The following ZCRB1 variants were observed in gnomAD, a reference collection of about 807,000 sequenced individuals.
ZCRB1 encodes zinc finger CCHC-type and RNA binding motif containing 1, also known as zinc finger CCHC-type and RNA-binding motif-containing protein 1.
A neutral mutation model predicts 29.9 loss-of-function variants in ZCRB1; 21 were observed. The ratio of observed to expected loss-of-function variants is 0.70; its 90% CI spans 0.50 to 1.01. ZCRB1 has a LOEUF of 1.01. ZCRB1 is among the 50% of genes least tolerant of loss of function. The probability of loss-of-function intolerance (pLI) is 0.00; values close to 1 mark genes in which losing one functional copy is unlikely to be tolerated. For missense variants in ZCRB1, 204 were observed against 253.3 expected (o/e 0.81, Z 1.32); for synonymous variants, 77 against 80.0 (o/e 0.96, Z 0.20).
rs1753830194 is a variant in ZCRB1, at chr12:42,323,516, T to C, written c.84+503A>G. 2.0e-5 allele frequency among the ~76,000 whole-genome samples: 3 copies of C among 152,214 alleles called. 1 individual carries two copies. Among genetic ancestry groups the C allele is most frequent in the Admixed American group, 2.0e-4 (3 of 15,278 alleles). ...TTCACTTCCATTCCCAACTTAACGTTCAATAGCCCACCTTTCCTGCGTTAT... is the reference window on the plus strand; with the variant it reads ...TTCACTTCCATTCCCAACTTAACGTCCAATAGCCCACCTTTCCTGCGTTAT... On this transcript the variant is annotated intron_variant, in intron 2 of 7. Transcript: ENST00000266529.
chr12:42,314,070 A>G, intron 5 of ZCRB1, 84 bp from the exon 6 acceptor site: 1 of 1,424,716 alleles, frequency 7.0e-7, no homozygotes, highest in Non-Finnish European at 9.4e-7. Flanking sequence ...TATTACTAAA[A>G]AGTTTTCAAA....
At chr12:42,317,961 G>A in intron 3 of ZCRB1, 63 bp from the exon 4 acceptor site, 4 of 1,313,288 alleles carry the variant, frequency 3.0e-6, no homozygotes, top group South Asian at 1.3e-5. Flanking sequence ...ACTAATACTT[G>A]AAAAATTCAT....
intron 6 of ZCRB1, 27 bp downstream of exon 6, chr12:42,313,847 T>C: frequency 2.5e-6 from 4 of 1,608,718 alleles, no homozygotes; most frequent in Non-Finnish European, 2.5e-6. Context: ...AACATGATGA[T>C]GTATTTAGTA....
Position 42,312,137 on chromosome 12 carries a change from A to T in ZCRB1, c.*930T>A, listed in dbSNP as rs989709038. Reference sequence around the variant, plus strand: ...ATTTTTTCTTGGGATGACAATAATAATATTACTATGATAGTATTAACTTAT... The same window carrying T: ...ATTTTTTCTTGGGATGACAATAATATTATTACTATGATAGTATTAACTTAT... On this transcript the variant is annotated 3_prime_UTR_variant, in exon 8 of 8. Transcript: ENST00000266529. The T allele has an allele frequency of 7.2e-5, 11 of 152,078 alleles. No individual in the cohort carries two copies. Among genetic ancestry groups the T allele is most frequent in the Non-Finnish European group, 1.6e-4 (11 of 68,020 alleles). 9.4% of individuals were successfully genotyped at this position (152,078 alleles called of 1,614,324 possible).
chr12:42,324,095 C>A lies in ZCRB1; in HGVS notation c.8G>T (p.Gly3Val). The change falls in exon 2 of 8, where the codon GGT becomes GTT. Residue 3 changes from glycine (G) to valine (V), a missense_variant. Gly to Val is a moderately radical substitution (Grantham distance 109). Coordinates refer to ENST00000266529, the MANE Select transcript of ZCRB1 (RefSeq NM_033114.4). MS[G>V]GLAPSKSTVY... Reference sequence around the variant, plus strand: ...TGTGCTCTTACTTGGAGCCAATCCACCACTCATTTCTAAAAGTGAAAACAA... The same window carrying A: ...TGTGCTCTTACTTGGAGCCAATCCAACACTCATTTCTAAAAGTGAAAACAA... 1 of 1,614,076 alleles carries A rather than the reference C, an allele frequency of 6.2e-7. No homozygotes were observed. Among genetic ancestry groups the A allele is most frequent in the Non-Finnish European group, 8.5e-7 (1 of 1,179,946 alleles).
intron 5 of ZCRB1, among the ~76,000 whole-genome samples, chr12:42,315,424 T>C (rs187379094): frequency 1.9e-4 from 29 of 152,300 alleles, no homozygotes; most frequent in African/African-American, 6.5e-4. Flanking sequence ...ACCTAGGACA[T>C]AGCCCAACTT....
At chr12:42,323,425 C>T (rs533816207) in intron 2 of ZCRB1, among the ~76,000 whole-genome samples, 2 of 136,838 alleles carry the variant, frequency 1.5e-5, no homozygotes, top group Admixed American at 7.2e-5. Flanking sequence ...GCCTCTTACT[C>T]GTTTCAGGTC....
chr12:42,321,296 AGGGAGT>A (rs2068620114), intron 3 of ZCRB1, among the ~76,000 whole-genome samples: 1 of 152,232 alleles, frequency 6.6e-6, no homozygotes, highest in South Asian at 2.1e-4. Context: ...AAAAGGTAAA[AGGGAGT>A]GGGCTCTGAA....
intron 3 of ZCRB1, 109 bp downstream of exon 3, chr12:42,322,309 T>C (rs902864501): frequency 5.4e-5 from 58 of 1,079,580 alleles, no homozygotes; most frequent in Non-Finnish European, 7.1e-5. Context: ...AGTATTTTCT[T>C]TATTATATCA....
At chr12:42,317,981 G>A in intron 3 of ZCRB1, 83 bp from the exon 4 acceptor site, 10 of 1,084,784 alleles carry the variant, frequency 9.2e-6, no homozygotes, top group Non-Finnish European at 1.2e-5. Context: ...TTTTAAAAAG[G>A]GCTAAAAATT....
In ZCRB1 at chr12:42,324,059, G is replaced by T. The variant is rs1008380914; in HGVS notation, c.44C>A (p.Ser15Tyr). 5 of 1,614,012 alleles carry T rather than the reference G, an allele frequency of 3.1e-6. No homozygotes were observed. Among genetic ancestry groups the T allele is most frequent in the Non-Finnish European group, 4.2e-6 (5 of 1,180,034 alleles). ...LAPSKSTVYV[S>Y]NLPFSLTNND... ...GTTTGTCAGGGAAAAAGGCAAGTTGGATACATACACTGTGCTCTTACTTGG... is the reference window on the plus strand; with the variant it reads ...GTTTGTCAGGGAAAAAGGCAAGTTGTATACATACACTGTGCTCTTACTTGG... Residue 15 changes from serine (S) to tyrosine (Y), a missense_variant, in exon 2 of 8, where the codon TCC (serine) becomes TAC (tyrosine). Physicochemically the swap from Ser to Tyr is moderately radical, Grantham distance 144 (BLOSUM62 -2). Coordinates refer to ENST00000266529, the MANE Select transcript of ZCRB1 (RefSeq NM_033114.4).
In ZCRB1 at chr12:42,324,111, G is replaced by A; in HGVS notation, c.-2-7C>T. ...GCCAATCCACCACTCATTTCTAAAA[G>A]TGAAAACAAACTTATCAGCAATCAG... On this transcript the variant is annotated splice_polypyrimidine_tract_variant and splice_region_variant and intron_variant, in intron 1 of 7. Coordinates refer to ENST00000266529, the MANE Select transcript of ZCRB1 (RefSeq NM_033114.4). 6.2e-7 allele frequency: 1 copy of A among 1,612,968 alleles called. No individual in the cohort carries two copies. Among genetic ancestry groups the A allele is most frequent in the Non-Finnish European group, 8.5e-7 (1 of 1,179,024 alleles).
chr12:42,313,071 T>C lies in ZCRB1; in HGVS notation c.650A>G (p.Asp217Gly). The C allele has an allele frequency of 6.3e-7, 1 of 1,593,510 alleles. No individual in the cohort carries two copies. Residue 217 changes from aspartate (D) to glycine (G), a missense_variant, in exon 8 of 8, where the codon GAT (aspartate) becomes GGT (glycine). Physicochemically the swap from Asp to Gly is moderately conservative, Grantham distance 94 (BLOSUM62 -1). Transcript: ENST00000266529. ...TTACTGTGCTGGGGCAAGATTTTAA[T>C]CACTAAGTTCTTCCTCATCACTGAA... Reference protein sequence around the residue: ...TYFSDEEELSD With the variant: ...TYFSDEEELSG
At chr12:42,313,580 G>T in intron 7 of ZCRB1, 110 bp downstream of exon 7, 1 of 1,167,058 alleles carries the variant, frequency 8.6e-7, no homozygotes, top group East Asian at 2.4e-5. Flanking sequence ...CTAAGGCTTA[G>T]GAGGTTAGGG....
intron 2 of ZCRB1, 53 bp from the exon 3 acceptor site, chr12:42,322,499 A>G: frequency 2.1e-6 from 3 of 1,422,242 alleles, no homozygotes; most frequent in Non-Finnish European, 2.8e-6. Context: ...TAAAACATCA[A>G]ATTTTTAGGT....
At chr12:42,316,596 C>T (rs1278716620) in intron 5 of ZCRB1, among the ~76,000 whole-genome samples, 1 of 152,026 alleles carries the variant, frequency 6.6e-6, no homozygotes, top group Non-Finnish European at 1.5e-5. Context: ...AGTTCAGTTA[C>T]AAAACACTAG....
At chr12:42,317,246 A>T in intron 5 of ZCRB1, 94 bp downstream of exon 5, 1 of 784,244 alleles carries the variant, frequency 1.3e-6, no homozygotes, top group Non-Finnish European at 2.0e-6. Flanking sequence ...AATCTGGTTT[A>T]GCCAGTCAGA....
chr12:42,316,784 G>A (rs527453934), intron 5 of ZCRB1, among the ~76,000 whole-genome samples: 57 of 152,244 alleles, frequency 3.7e-4, no homozygotes, highest in African/African-American at 1.3e-3. Flanking sequence ...TAAGTAATCA[G>A]TCTAACACTT....
chr12:42,320,894 G>A (rs371697826), intron 3 of ZCRB1, among the ~76,000 whole-genome samples: 2 of 152,270 alleles, frequency 1.3e-5, no homozygotes, highest in East Asian at 3.9e-4. Flanking sequence ...TTGGTAACCT[G>A]ACCAAGAAGT....
Sources: allele counts gnomAD v4.1 joint callset (sites outside exome capture counted in the v4.1 genomes callset), GRCh38; gene constraint gnomAD v4.1.1; transcripts MANE v1.5; gene names NCBI Gene and HGNC (gene_info 2026-07-23, HGNC 2026-07-21).